Variants in ELF4 observed in about 807,000 individuals in gnomAD.
The protein encoded by ELF4 is E74 like ETS transcription factor 4.
ELF4 carries 10 observed loss-of-function variants against 31.7 expected under a neutral mutation model. That is an observed-to-expected ratio of 0.32 (90% confidence interval 0.19 to 0.54). ELF4 has a LOEUF of 0.54. ELF4 is among the 20% of genes least tolerant of loss of function. The pLI, the probability that ELF4 is intolerant of heterozygous loss-of-function variation, is 0.95. For synonymous variants in ELF4, 208 were observed against 226.7 expected, an observed-to-expected ratio of 0.92 and a Z score of 0.74; for missense variants, 418 against 522.0, an observed-to-expected ratio of 0.80 and a Z score of 1.94.
intron 1 of ELF4, among the ~76,000 whole-genome samples, chrX:130,102,000 G>C (rs1463572760): frequency 9.0e-6 from 1 of 110,757 alleles, no homozygotes. Flanking sequence ...AAAAAATTTA[G>C]CTGGGTGTGG....
chrX:130,110,237 A>T (rs1404201077), intron 1 of ELF4, 88 bp downstream of exon 1: 1 of 108,796 alleles, frequency 9.2e-6, no homozygotes, highest in East Asian at 3.0e-4. Flanking sequence ...CCCCAGCCCC[A>T]CGCCGGGGCC....
intron 1 of ELF4, among the ~76,000 whole-genome samples, chrX:130,091,021 C>T: frequency 9.0e-6 from 1 of 111,430 alleles, no homozygotes; most frequent in Non-Finnish European, 1.9e-5. Flanking sequence ...GCCATGTTGT[C>T]CAGGTTGGTC....
At chrX:130,082,610 C>T (rs1299753541) in intron 1 of ELF4, among the ~76,000 whole-genome samples, 3 of 111,097 alleles carry the variant, frequency 2.7e-5, no homozygotes, top group Admixed American at 1.9e-4. Context: ...GGCGTCCGGG[C>T]CTGCATTTGT....
rs772575964 is a variant in ELF4 at position 130,105,404 on chromosome X, T to C, written c.-210+4921A>G. On this transcript the variant is annotated intron_variant, in intron 1 of 8. Coordinates refer to ENST00000308167, the MANE Select transcript of ELF4 (RefSeq NM_001421.4). ...AGGGCATGATTTCCCAACCAAGAAG[T>C]CAGGGCCCTCTGGTATGTCCCTTTG... Among the ~76,000 whole-genome samples the C allele has an allele frequency of 2.7e-5, 3 of 111,302 alleles. No homozygotes were observed. In the East Asian group the frequency reaches 8.4e-4, roughly 31 times the overall value.
rs760555921 is a variant in ELF4 at position 130,064,716 on chromosome X, G to A, written c.*2005C>T. On this transcript the variant is annotated 3_prime_UTR_variant, in exon 9 of 9. Coordinates refer to ENST00000308167, the MANE Select transcript of ELF4 (RefSeq NM_001421.4). Reference sequence around the variant, plus strand: ...GAGAGCCCAGCTAGTGTGGGCTCACGGGGGCCCGAGAACTGTGAAGAAGAC... The same window carrying A: ...GAGAGCCCAGCTAGTGTGGGCTCACAGGGGCCCGAGAACTGTGAAGAAGAC... 2.2e-4 allele frequency among the ~76,000 whole-genome samples: 24 copies of A among 110,911 alleles called. No homozygotes were observed. Among genetic ancestry groups the A allele is most frequent in the African/African-American group, 7.5e-4 (23 of 30,486 alleles).
chrX:130,105,841 A>G (rs1318645444), intron 1 of ELF4, among the ~76,000 whole-genome samples: 1 of 81,140 alleles, frequency 1.2e-5, no homozygotes, highest in African/African-American at 4.8e-5. Context: ...CATCTCTCCC[A>G]CTCCCCAGGG....
intron 7 of ELF4, among the ~76,000 whole-genome samples, chrX:130,070,333 G>A (rs1932769651): frequency 9.0e-6 from 1 of 111,280 alleles, no homozygotes; most frequent in South Asian, 3.7e-4. Context: ...AGTGCTTTGG[G>A]AGGCCGAGGT....
Position 130,067,310 on chromosome X carries a change from C to T in ELF4, c.1403G>A (p.Ser468Asn), listed in dbSNP as rs781531836. 3.3e-6 allele frequency: 4 copies of T among 1,212,242 alleles called. No homozygotes were observed. The change falls in exon 9 of 9, where the codon AGT becomes AAT. Residue 468 changes from serine (S) to asparagine (N), a missense_variant. Ser to Asn is a conservative substitution (Grantham distance 46, BLOSUM62 1). Around this residue, in one of 4 missense-constraint regions of ELF4, gnomAD observed 260 missense variants for 269.2 expected, o/e 0.97. Coordinates refer to ENST00000308167, the MANE Select transcript of ELF4 (RefSeq NM_001421.4). ...GGCTGCCACCTGGCTGTCTTGGAAACTGGCGTTCAGGGGGAAAGAGGCCTG... is the reference window on the plus strand; with the variant it reads ...GGCTGCCACCTGGCTGTCTTGGAAATTGGCGTTCAGGGGGAAAGAGGCCTG... ...TLQASFPLNA[S>N]FQDSQVAAPG...
At chrX:130,073,480 G>C (rs1274964663) in intron 4 of ELF4, among the ~76,000 whole-genome samples, 2 of 111,602 alleles carry the variant, frequency 1.8e-5, no homozygotes, top group Non-Finnish European at 3.8e-5. Flanking sequence ...AAGGCACCCT[G>C]GCCAATATTA....
chrX:130,069,415 G>A lies in ELF4; in HGVS notation c.1072C>T (p.Leu358Phe). 1 of 1,211,987 alleles carries A rather than the reference G, an allele frequency of 8.3e-7. No individual in the cohort carries two copies. The highest frequency in any genetic ancestry group is 1.1e-6 in the Non-Finnish European group (1 of 895,572). The change falls in exon 8 of 9, where the codon CTC becomes TTC. Residue 358 changes from leucine (L) to phenylalanine (F), a missense_variant. Coordinates refer to ENST00000308167, the MANE Select transcript of ELF4 (RefSeq NM_001421.4). ...WEKPKIQHVG[L>F]QPSASLELGP... is the part of the protein sequence containing the mutation. Reference sequence around the variant, plus strand: ...AATTCCAGACTCGCAGATGGCTGGAGACCGACATGCTGAATTTTTGGCTTC... The same window carrying A: ...AATTCCAGACTCGCAGATGGCTGGAAACCGACATGCTGAATTTTTGGCTTC...
chrX:130,074,874 A>T, intron 2 of ELF4, 122 bp from the exon 3 acceptor site: 1 of 798,259 alleles, frequency 1.3e-6, no homozygotes, highest in Non-Finnish European at 1.8e-6. Context: ...TGTCCTTTGT[A>T]TAGGATGATA....
At chrX:130,100,364 G>C (rs1251759008) in intron 1 of ELF4, among the ~76,000 whole-genome samples, 2 of 111,332 alleles carry the variant, frequency 1.8e-5, no homozygotes, top group African/African-American at 6.5e-5. Context: ...AGAGCCTTAT[G>C]GTCCAAACTC....
chrX:130,067,684 C>G (rs950754605), intron 8 of ELF4, among the ~76,000 whole-genome samples, 159 bp from the exon 9 acceptor site: 5 of 111,883 alleles, frequency 4.5e-5, no homozygotes, highest in Non-Finnish European at 9.4e-5. Context: ...CTCTGCTGCC[C>G]GGGATGGAGT....
chrX:130,102,878 G>A (rs55845354), intron 1 of ELF4, among the ~76,000 whole-genome samples: 1 of 47,720 alleles, frequency 2.1e-5, no homozygotes, highest in Non-Finnish European at 4.1e-5. Context: ...GAGAGAGAGA[G>A]AGAGAGAGAA....
At chrX:130,088,097 G>A (rs1296052608) in intron 1 of ELF4, among the ~76,000 whole-genome samples, 3 of 110,980 alleles carry the variant, frequency 2.7e-5, no homozygotes, top group African/African-American at 3.3e-5. Context: ...CCTTTAGGAA[G>A]GGCAGTTTGG....
chrX:130,066,806 C>T lies in ELF4; in HGVS notation c.1907G>A (p.Ser636Asn). Residue 636 changes from serine (S) to asparagine (N), a missense_variant, in exon 9 of 9, where the codon AGC becomes AAC. Physicochemically the swap from Ser to Asn is conservative, Grantham distance 46 (BLOSUM62 1). Transcript: ENST00000308167. ...MAEPSVTTSG[S>N]LLTRSPTPAP... ...TGGGGTGGGGGATCTTGTCAGAAGG[C>T]TCCCAGATGTGGTCACACTAGGCTC... The T allele has an allele frequency of 8.3e-7, 1 of 1,208,793 alleles. No homozygotes were observed. Among genetic ancestry groups the T allele is most frequent in the South Asian group, 1.8e-5 (1 of 56,429 alleles).
chrX:130,072,489 A>G (rs771832337), intron 4 of ELF4, 72 bp from the exon 5 acceptor site: 7 of 1,089,858 alleles, frequency 6.4e-6, no homozygotes, highest in East Asian at 6.0e-5. Flanking sequence ...CGCTGGAGAG[A>G]CGGGTAGGTT....
chrX:130,067,615 G>C, intron 8 of ELF4, 90 bp from the exon 9 acceptor site: 1 of 950,651 alleles, frequency 1.1e-6, no homozygotes, highest in Non-Finnish European at 1.5e-6. Context: ...GGAGCTGAAG[G>C]TGTTTGTCGA....
At chrX:130,085,539 G>A (rs1932948377) in intron 1 of ELF4, among the ~76,000 whole-genome samples, 1 of 111,735 alleles carries the variant, frequency 8.9e-6, no homozygotes, top group African/African-American at 3.3e-5. Flanking sequence ...TGAAAGCCAC[G>A]TCCACAGTCT....
Sources: allele counts gnomAD v4.1 joint callset (sites outside exome capture counted in the v4.1 genomes callset), GRCh38; gene constraint gnomAD v4.1.1; regional missense constraint gnomAD v4.1.1; transcripts MANE v1.5; gene names NCBI Gene and HGNC (gene_info 2026-07-23, HGNC 2026-07-21).